Variants in ACOT12 observed in about 807,000 individuals in gnomAD.
ACOT12 encodes the protein acetyl-coenzyme A thioesterase.
ACOT12 carries 51 observed loss-of-function variants against 67.7 expected under a neutral mutation model. The observed-to-expected ratio is 0.75, with a 90% confidence interval of 0.60 to 0.95. The LOEUF is 0.95. Ranked by LOEUF, ACOT12 falls within the 40% of genes least tolerant of loss-of-function variation. The pLI is 0.00. For missense variants in ACOT12, 734 were observed against 708.1 expected (o/e 1.04, Z -0.41); for synonymous variants, 251 against 244.6 (o/e 1.03, Z -0.24).
chr5:81,342,523 G>T, intron 11 of ACOT12, 149 bp downstream of exon 11: 2 of 727,846 alleles, frequency 2.7e-6, no homozygotes, highest in Non-Finnish European at 2.3e-6. Context: ...TAGAGACAGG[G>T]CTGAAAAGAT....
the ACOT12 span, among the ~76,000 whole-genome samples, chr5:81,314,324 C>G: frequency 6.6e-6 from 1 of 152,066 alleles, no homozygotes; most frequent in African/African-American, 2.4e-5. Context: ...AGGCTGGTCT[C>G]GAAATCTTGA....
At chr5:81,313,995 A>C in the ACOT12 span, among the ~76,000 whole-genome samples, 2 of 152,168 alleles carry the variant, frequency 1.3e-5, no homozygotes, top group Non-Finnish European at 2.9e-5. Flanking sequence ...TCCCATCAGG[A>C]GCAGAGTCTA....
chr5:81,329,366 C>T (rs186285127), downstream of ACOT12, among the ~76,000 whole-genome samples: 8 of 152,098 alleles, frequency 5.3e-5, no homozygotes, highest in African/African-American at 7.2e-5. Flanking sequence ...ACTCTTCTTA[C>T]GTATATAAAT....
intron 11 of ACOT12, among the ~76,000 whole-genome samples, chr5:81,337,856 C>T (rs141940460): frequency 3.3e-5 from 5 of 152,300 alleles, no homozygotes; most frequent in African/African-American, 1.2e-4. Flanking sequence ...GGTGCTGCTC[C>T]CCAGGTTGCA....
At chr5:81,374,361 G>C (rs940118497) in intron 2 of ACOT12, among the ~76,000 whole-genome samples, 1 of 152,164 alleles carries the variant, frequency 6.6e-6, no homozygotes, top group African/African-American at 2.4e-5. Context: ...ACCAAAGGTA[G>C]ATAAACCCAT....
chr5:81,376,349 G>T (rs926273606), intron 2 of ACOT12, among the ~76,000 whole-genome samples: 1 of 151,884 alleles, frequency 6.6e-6, no homozygotes, highest in Non-Finnish European at 1.5e-5. Context: ...AGTGTGTAGA[G>T]AGAAATTTAT....
intron 11 of ACOT12, among the ~76,000 whole-genome samples, chr5:81,339,897 T>G (rs1427354373): frequency 2.8e-5 from 2 of 70,748 alleles, no homozygotes; most frequent in Non-Finnish European, 7.5e-5. Context: ...AAAAACATGA[T>G]TTTTTTTTAT....
At chr5:81,334,044 G>C (rs1048799179) in intron 12 of ACOT12, among the ~76,000 whole-genome samples, 5 of 152,100 alleles carry the variant, frequency 3.3e-5, no homozygotes, top group African/African-American at 7.2e-5. Flanking sequence ...ATTCAGTCAG[G>C]GGTGGTCAGA....
At chr5:81,310,995 C>T in the ACOT12 span, among the ~76,000 whole-genome samples, 26,247 of 152,106 alleles carry the variant, frequency 0.17, 2,573 homozygotes, top group Admixed American at 0.27. Context: ...AGGCCAGGTG[C>T]AAGAAGCAGT....
chr5:81,382,739 T>C (rs1760619750), intron 2 of ACOT12, among the ~76,000 whole-genome samples: 1 of 150,776 alleles, frequency 6.6e-6, no homozygotes, highest in African/African-American at 2.4e-5. Context: ...GAGGCGGAGG[T>C]TGCAGTGAGC....
chr5:81,359,955 T>C lies in ACOT12; in HGVS notation c.444A>G (p.Leu148=), dbSNP rs1484619899. The change falls in exon 5 of 15, where the codon TTA becomes TTG. Residue 148 remains leucine, a synonymous_variant. Transcript: ENST00000307624. The part of the protein sequence containing the change: ...NLAAERRKVR[L]QHEDTFNNLM... Reference sequence around the variant, plus strand: ...AATTGTTAAAGGTATCTTCATGTTGTAATCGAACTTTCCTTCTCTCAGCAG... The same window carrying C: ...AATTGTTAAAGGTATCTTCATGTTGCAATCGAACTTTCCTTCTCTCAGCAG... 6.2e-7 allele frequency: 1 copy of C among 1,612,840 alleles called. No individual in the cohort carries two copies. The highest frequency in any genetic ancestry group is 1.1e-5 in the South Asian group (1 of 90,684).
chr5:81,334,419 C>G (rs949299835), intron 12 of ACOT12, among the ~76,000 whole-genome samples: 1 of 152,192 alleles, frequency 6.6e-6, no homozygotes, highest in Admixed American at 6.5e-5. Flanking sequence ...CTCCCCACGA[C>G]TTAAGCGACT....
chr5:81,352,662 A>G (rs756002292), intron 5 of ACOT12, among the ~76,000 whole-genome samples: 4 of 152,188 alleles, frequency 2.6e-5, no homozygotes, highest in Non-Finnish European at 5.9e-5. Flanking sequence ...GTTAGAAAGA[A>G]TGAATAAGAC....
At chr5:81,388,892 T>C (rs1014538743) in intron 1 of ACOT12, among the ~76,000 whole-genome samples, 1 of 152,198 alleles carries the variant, frequency 6.6e-6, no homozygotes, top group Non-Finnish European at 1.5e-5. Flanking sequence ...GGGAAACCCC[T>C]TGTGCTTGGT....
At chr5:81,317,634 T>G in the ACOT12 span, among the ~76,000 whole-genome samples, 6 of 151,906 alleles carry the variant, frequency 3.9e-5, no homozygotes, top group African/African-American at 1.5e-4. Context: ...CTTTACATGG[T>G]GGAGCAGGAG....
intron 12 of ACOT12, among the ~76,000 whole-genome samples, chr5:81,335,211 C>G (rs897965845): frequency 6.6e-6 from 1 of 152,116 alleles, no homozygotes; most frequent in African/African-American, 2.4e-5. Context: ...GTCTCAGAAC[C>G]TCTTAAATGG....
intron 2 of ACOT12, among the ~76,000 whole-genome samples, chr5:81,384,766 G>T (rs1290935485): frequency 6.6e-6 from 1 of 152,160 alleles, no homozygotes; most frequent in Non-Finnish European, 1.5e-5. Context: ...TGATGCTTGG[G>T]GTTTTCCTCA....
At chr5:81,359,790 G>T in intron 5 of ACOT12, 113 bp downstream of exon 5, 2 of 1,168,902 alleles carry the variant, frequency 1.7e-6, no homozygotes, top group South Asian at 3.6e-5. Flanking sequence ...AGGATACCTA[G>T]TGTCACCAGG....
chr5:81,351,585 C>A (rs1759553924), intron 5 of ACOT12, among the ~76,000 whole-genome samples: 1 of 152,184 alleles, frequency 6.6e-6, no homozygotes, highest in South Asian at 2.1e-4. Flanking sequence ...CTATCTCTTA[C>A]CATACACAAA....
Sources: allele counts gnomAD v4.1 joint callset (sites outside exome capture counted in the v4.1 genomes callset), GRCh38; gene constraint gnomAD v4.1.1; transcripts MANE v1.5; gene names NCBI Gene and HGNC (gene_info 2026-07-23, HGNC 2026-07-21).